Variants in HTT observed in about 807,000 individuals in gnomAD.
HTT encodes huntington disease protein.
In HTT, 104 loss-of-function variants were observed where a neutral mutation model predicts 362.3. The observed-to-expected ratio is 0.29, with a 90% confidence interval of 0.24 to 0.34. The LOEUF is 0.34. Among genes scored for constraint, HTT ranks in the 10% least tolerant of loss-of-function variants. The pLI, the probability that HTT is intolerant of heterozygous loss-of-function variation, is 1.00. For synonymous variants in HTT, 1,577 were observed against 1,548.7 expected (o/e 1.02, Z -0.43); for missense variants, 3,301 against 3,928.6 (o/e 0.84, Z 4.27).
At chr4:3,166,934 C>T (rs1053352782) in intron 29 of HTT, among the ~76,000 whole-genome samples, 9 of 152,246 alleles carry the variant, frequency 5.9e-5, no homozygotes, top group South Asian at 2.1e-4. Context: ...GCTTGCCCTC[C>T]GTGGGCTGCA....
intron 6 of HTT, among the ~76,000 whole-genome samples, chr4:3,114,029 G>C (rs1250874781): frequency 3.3e-5 from 5 of 152,282 alleles, no homozygotes; most frequent in Non-Finnish European, 5.9e-5. Context: ...CCTGAACAGA[G>C]ATTTACCCAC....
At chr4:3,216,059 G>A (rs150721684) in intron 51 of HTT, among the ~76,000 whole-genome samples, 155 of 152,322 alleles carry the variant, frequency 1.0e-3, no homozygotes, top group Non-Finnish European at 1.7e-3. Flanking sequence ...TGTGGCTCAG[G>A]AAACACGCCT....
At chr4:3,080,185 C>T (rs1486570831) in intron 1 of HTT, among the ~76,000 whole-genome samples, 3 of 151,334 alleles carry the variant, frequency 2.0e-5, no homozygotes, top group Non-Finnish European at 4.4e-5. Context: ...ACCTCTACCT[C>T]CTGGGTTCAA....
chr4:3,150,541 C>T (rs1716823233), intron 26 of HTT, among the ~76,000 whole-genome samples: 1 of 152,174 alleles, frequency 6.6e-6, no homozygotes, highest in African/African-American at 2.4e-5. Context: ...TCCTCCTCCC[C>T]ACATCTGCCC....
chr4:3,160,462 A>ATC, intron 29 of HTT, 70 bp downstream of exon 29: 1 of 1,069,190 alleles, frequency 9.4e-7, no homozygotes. Context: ...GGCTGAGTTC[A>ATC]TCTAGGATGG....
chr4:3,105,617 A>G (rs554834195), intron 5 of HTT, among the ~76,000 whole-genome samples, 181 bp downstream of exon 5: 11 of 152,162 alleles, frequency 7.2e-5, no homozygotes, highest in Non-Finnish European at 1.3e-4. Flanking sequence ...CGTACAGTCT[A>G]TCTGTGTGCT....
At chr4:3,157,724 A>T (rs1717219123) in intron 28 of HTT, among the ~76,000 whole-genome samples, 1 of 152,164 alleles carries the variant, frequency 6.6e-6, no homozygotes. Flanking sequence ...CCCAAGAGCC[A>T]GCCTTTCTGT....
In HTT at chr4:3,228,236, T is replaced by G. The variant is rs1721014970; in HGVS notation, c.7849-379T>G. Among the ~76,000 whole-genome samples, 1 of 152,200 alleles carries G rather than the reference T, an allele frequency of 6.6e-6. No homozygotes were observed. Among genetic ancestry groups the G allele is most frequent in the Non-Finnish European group, 1.5e-5 (1 of 68,024 alleles). On this transcript the variant is annotated intron_variant, in intron 57 of 66. Transcript: ENST00000355072. This position sits in a 1 kb window ranked among gnomAD's most constrained non-coding sequence, Gnocchi z 4.3. ...AGCTCTGGCCTTGGGTTTACCGCAA[T>G]GACTGCCAGTGCGGGAGACTGGAAA...
At chr4:3,196,161 A>G (rs1401562199) in intron 40 of HTT, among the ~76,000 whole-genome samples, 1 of 152,192 alleles carries the variant, frequency 6.6e-6, no homozygotes, top group African/African-American at 2.4e-5. Context: ...AGCTTTTGCT[A>G]TTCTGATATG....
At chr4:3,130,857 A>G (rs1343709702) in intron 14 of HTT, among the ~76,000 whole-genome samples, 1 of 152,186 alleles carries the variant, frequency 6.6e-6, no homozygotes, top group Non-Finnish European at 1.5e-5. Context: ...CCCATCAATC[A>G]GAATTATAGC....
intron 2 of HTT, among the ~76,000 whole-genome samples, chr4:3,093,163 A>G (rs79990975): frequency 6.6e-6 from 1 of 152,206 alleles, no homozygotes; most frequent in Admixed American, 6.5e-5. Context: ...TTGTGCGGAA[A>G]TGACCCAGGG....
At chr4:3,203,821 T>C (rs1202363105) in intron 41 of HTT, among the ~76,000 whole-genome samples, 186 bp from the exon 42 acceptor site, 5 of 152,264 alleles carry the variant, frequency 3.3e-5, no homozygotes, top group Non-Finnish European at 7.3e-5. Context: ...TTTTCATATG[T>C]GGTTTATTGT....
chr4:3,182,577 C>CT, intron 37 of HTT, 107 bp downstream of exon 37: 2 of 716,740 alleles, frequency 2.8e-6, no homozygotes, highest in South Asian at 3.2e-5. Flanking sequence ...TAATCTGTGC[C>CT]TTGATAGCAG....
chr4:3,141,465 T>TA (rs1312383276), intron 22 of HTT, among the ~76,000 whole-genome samples: 1 of 152,102 alleles, frequency 6.6e-6, no homozygotes, highest in Non-Finnish European at 1.5e-5. Context: ...AAGACTGCTT[T>TA]AAAAAACACA....
intron 1 of HTT, among the ~76,000 whole-genome samples, chr4:3,078,865 G>T (rs993119063): frequency 6.6e-6 from 1 of 152,044 alleles, no homozygotes; most frequent in Non-Finnish European, 1.5e-5. Context: ...CTCCCAAGTA[G>T]CTGGGACTAC....
Position 3,115,451 on chromosome 4 carries a change from G to GT in HTT, c.889+7dup, listed in dbSNP as rs1560553787. The stretch of plus-strand genomic sequence containing the variant: ...GCTACTAAATGTGCTCTTAGGTAAG[G>GT]TGGAGGCATATGAGTGGAAGAGTCT... On this transcript the variant is annotated splice_region_variant and intron_variant, in intron 7 of 66. Coordinates refer to ENST00000355072, the MANE Select transcript of HTT (RefSeq NM_001388492.1). 6.2e-7 allele frequency: 1 copy of GT among 1,609,832 alleles called. No individual in the cohort carries two copies. Among genetic ancestry groups the GT allele is most frequent in the Non-Finnish European group, 8.5e-7 (1 of 1,176,246 alleles).
chr4:3,100,016 C>T lies in HTT; in HGVS notation c.468+622C>T, dbSNP rs183453437. Among the ~76,000 whole-genome samples the T allele has an allele frequency of 3.9e-3, 591 of 152,226 alleles. 2 individuals carry two copies. Among genetic ancestry groups the T allele is most frequent in the Non-Finnish European group, 5.9e-3 (404 of 68,008 alleles). ...GCCTGCATTGCTTGCCACACCTGCC[C>T]GGTCAGAAGGCGCTATGTTGACAAT... On this transcript the variant is annotated intron_variant, in intron 3 of 66. Transcript: ENST00000355072.
chr4:3,149,428 A>G (rs918068334), intron 26 of HTT, among the ~76,000 whole-genome samples: 1 of 151,504 alleles, frequency 6.6e-6, no homozygotes, highest in African/African-American at 2.4e-5. Flanking sequence ...CTCTCGAGGC[A>G]GATTACAGCT....
At chr4:3,120,740 G>C (rs929737430) in intron 8 of HTT, among the ~76,000 whole-genome samples, 2 of 152,202 alleles carry the variant, frequency 1.3e-5, no homozygotes, top group Non-Finnish European at 1.5e-5. Context: ...TGGAAAAATT[G>C]TCTCCCATGA....
Sources: allele counts gnomAD v4.1 joint callset (sites outside exome capture counted in the v4.1 genomes callset), GRCh38; gene constraint gnomAD v4.1.1; non-coding constraint Gnocchi (gnomAD v3.1); transcripts MANE v1.5; gene names NCBI Gene and HGNC (gene_info 2026-07-23, HGNC 2026-07-21).